The following LHX6 variants were observed in gnomAD, a reference collection of about 807,000 sequenced individuals.
LHX6 encodes the protein LIM/homeobox protein Lhx6.
A neutral mutation model predicts 47.1 loss-of-function variants in LHX6; 15 were observed. The observed-to-expected ratio is 0.32, with a 90% CI of 0.21 to 0.49. The LOEUF (loss-of-function observed/expected upper bound fraction) is 0.49. Among genes scored for constraint, LHX6 ranks in the 20% least tolerant of loss-of-function variants. The pLI, the probability that LHX6 is intolerant of heterozygous loss-of-function variation, is 0.99. For missense variants in LHX6, 404 were observed against 539.6 expected (o/e 0.75, Z 2.49); for synonymous variants, 242 against 233.5 (o/e 1.04, Z -0.33).
chr9:122,221,422 C>T lies in LHX6; in HGVS notation c.462-4134G>A, dbSNP rs761852473. ...CGCTTCCCCTGGGACCCTCGCTTTGCGGGAGGGGGTAGGCTTCTCCCGCTG... is the reference window on the plus strand; with the variant it reads ...CGCTTCCCCTGGGACCCTCGCTTTGTGGGAGGGGGTAGGCTTCTCCCGCTG... On this transcript the variant is annotated intron_variant, in intron 4 of 9. Transcript: ENST00000394319. The T allele has an allele frequency of 4.1e-6, 4 of 985,516 alleles. No individual in the cohort carries two copies. The African/African-American group carries it at 7.0e-5, about 17-fold the overall frequency. 61.0% of individuals were successfully genotyped at this position (985,516 alleles called of 1,614,324 possible).
At chr9:122,208,807 C>T (rs1358645586) in intron 9 of LHX6, among the ~76,000 whole-genome samples, 2 of 146,998 alleles carry the variant, frequency 1.4e-5, no homozygotes, top group Non-Finnish European at 3.0e-5. Flanking sequence ...TGCACTCCAG[C>T]CTGGGCGATA....
rs1001273716 is a variant in LHX6 at position 122,217,891 on chromosome 9, G to T, written c.462-603C>A. Among the ~76,000 whole-genome samples, 1 of 152,148 alleles carries T rather than the reference G, an allele frequency of 6.6e-6. No homozygotes were observed. The highest frequency in any genetic ancestry group is 2.1e-4 in the South Asian group (1 of 4,826). On this transcript the variant is annotated intron_variant, in intron 4 of 9. Transcript: ENST00000394319. The surrounding 1 kb of genome is among the most constrained non-coding windows in gnomAD (Gnocchi z 4.9). Reference sequence around the variant, plus strand: ...GCAAACTGTTTAACTCTGAGTTCTCGTTTTCCTTGTCCTGCACTGAACTAG... The same window carrying T: ...GCAAACTGTTTAACTCTGAGTTCTCTTTTTCCTTGTCCTGCACTGAACTAG...
chr9:122,228,413 C>G, intron 1 of LHX6: 4 of 1,488,284 alleles, frequency 2.7e-6, no homozygotes, highest in Non-Finnish European at 2.7e-6. Context: ...CCTCTTGATT[C>G]GCCTGTGTCT....
At chr9:122,219,324 G>A (rs1564441461) in intron 4 of LHX6, among the ~76,000 whole-genome samples, 1 of 152,200 alleles carries the variant, frequency 6.6e-6, no homozygotes, top group Non-Finnish European at 1.5e-5. Context: ...CACCTTCGTT[G>A]AATCCACCGC....
At chr9:122,219,930 G>A (rs750791953) in intron 4 of LHX6, among the ~76,000 whole-genome samples, 9 of 152,254 alleles carry the variant, frequency 5.9e-5, no homozygotes, top group Non-Finnish European at 1.3e-4. Flanking sequence ...CCAGCGCGGG[G>A]CCAAGGGCCC....
chr9:122,227,045 AG>A lies in LHX6; in HGVS notation c.157-16del, dbSNP rs1831133212. 6.8e-7 allele frequency: 1 copy of A among 1,469,552 alleles called. No homozygotes were observed. Among genetic ancestry groups the A allele is most frequent in the African/African-American group, 1.4e-5 (1 of 70,708 alleles). The allele number at this position is 1,469,552 out of a possible 1,614,324, so 91.0% of individuals were successfully genotyped here. On this transcript the variant is annotated splice_polypyrimidine_tract_variant and intron_variant, in intron 2 of 9. Coordinates refer to ENST00000394319, the MANE Select transcript of LHX6 (RefSeq NM_014368.5). ...TCAGACTGAGCCTGCGGCGGGGGAG[AG>A]AAGGAGAGGAGCGCTGATCCGGGCA...
chr9:122,227,499 G>GGGGTGGA lies in LHX6; in HGVS notation c.85-20_85-19insTCCACCC. The GGGGTGGA allele has an allele frequency of 1.5e-6, 1 of 656,318 alleles. No homozygotes were observed. Among genetic ancestry groups the GGGGTGGA allele is most frequent in the Non-Finnish European group, 2.5e-6 (1 of 401,624 alleles). The allele number at this position is 656,318 out of a possible 1,614,324, so 40.7% of individuals were successfully genotyped here. The stretch of plus-strand genomic sequence containing the variant: ...CCATCACCTGGGGGAGGGGGGGAGG[G>GGGGTGGA]AACGCAGGCGGCGGCGGCTGCTGAA... On this transcript the variant is annotated intron_variant, in intron 1 of 9. Transcript: ENST00000394319.
At chr9:122,228,596 T>A in intron 1 of LHX6, 61 bp downstream of exon 1, 1 of 1,336,716 alleles carries the variant, frequency 7.5e-7, no homozygotes, top group South Asian at 1.7e-5. Context: ...TCGGCCCGGC[T>A]GGGTCCCGGA....
At chr9:122,224,509 G>T (rs117398927) in intron 4 of LHX6, among the ~76,000 whole-genome samples, 1 of 148,380 alleles carries the variant, frequency 6.7e-6, no homozygotes, top group South Asian at 2.1e-4. Flanking sequence ...ACACACAGCC[G>T]TCCAGATTCA....
intron 4 of LHX6, among the ~76,000 whole-genome samples, chr9:122,222,338 G>A (rs1473772227): frequency 6.6e-6 from 1 of 152,208 alleles, no homozygotes; most frequent in Non-Finnish European, 1.5e-5. Context: ...TCCATTTTTG[G>A]AAGAAAACAG....
intron 8 of LHX6, among the ~76,000 whole-genome samples, chr9:122,212,301 C>T (rs879692582): frequency 2.6e-5 from 4 of 152,176 alleles, no homozygotes; most frequent in South Asian, 2.1e-4. Context: ...AGCCCACACT[C>T]GATCATTAAG....
At chr9:122,211,234 G>C (rs562890163) in intron 8 of LHX6, among the ~76,000 whole-genome samples, 24 of 152,108 alleles carry the variant, frequency 1.6e-4, no homozygotes, top group African/African-American at 5.8e-4. Context: ...TATATAAACC[G>C]GGACAATTCA....
intron 5 of LHX6, among the ~76,000 whole-genome samples, chr9:122,215,912 C>T (rs1830578337): frequency 6.6e-6 from 1 of 152,102 alleles, no homozygotes; most frequent in Non-Finnish European, 1.5e-5. Context: ...ATTAATGTCC[C>T]CTAGGAAAGC....
intron 9 of LHX6, among the ~76,000 whole-genome samples, chr9:122,207,840 G>T (rs1235824885): frequency 1.3e-5 from 2 of 152,132 alleles, no homozygotes; most frequent in Non-Finnish European, 2.9e-5. Context: ...TACACTCGCA[G>T]ATCCCTATAT....
chr9:122,206,067 C>T (rs1588331778), intron 9 of LHX6, among the ~76,000 whole-genome samples: 1 of 152,344 alleles, frequency 6.6e-6, no homozygotes, highest in Non-Finnish European at 1.5e-5. Flanking sequence ...GTCTCAGTCT[C>T]CTCCACTGAT....
chr9:122,213,958 C>G lies in LHX6; in HGVS notation c.879+16G>C, dbSNP rs1181042104. On this transcript the variant is annotated intron_variant, in intron 7 of 9. Coordinates refer to ENST00000394319, the MANE Select transcript of LHX6 (RefSeq NM_014368.5). This position sits in a 1 kb window ranked among gnomAD's most constrained non-coding sequence, Gnocchi z 5.5. ...GCGTGCCCGCGGTCCCCAGGCCCCG[C>G]CCACCCCCGTCCCACCTGGATGACT... 6 of 1,512,304 alleles carry G rather than the reference C, an allele frequency of 4.0e-6. No individual in the cohort carries two copies. The highest frequency in any genetic ancestry group is 5.5e-6 in the Non-Finnish European group (6 of 1,100,556). 93.7% of individuals were successfully genotyped at this position (1,512,304 alleles called of 1,614,324 possible).
At chr9:122,209,945 G>C (rs1196123322) in intron 8 of LHX6, among the ~76,000 whole-genome samples, 1 of 151,622 alleles carries the variant, frequency 6.6e-6, no homozygotes, top group Non-Finnish European at 1.5e-5. Context: ...GCACGATCTT[G>C]GCTCACTGCA....
chr9:122,202,607 T>G lies in LHX6; in HGVS notation c.*2153A>C, dbSNP rs1282767194. 1 of 152,624 alleles carries G rather than the reference T, an allele frequency of 6.6e-6. No homozygotes were observed. The highest frequency in any genetic ancestry group is 1.9e-4 in the East Asian group (1 of 5,188). The allele number at this position is 152,624 out of a possible 1,614,324, so 9.5% of individuals were successfully genotyped here. ...TGGATTTCAGTGCCAGCACTTCTAC[T>G]TGCATTAACTTTATTACACAAATAA... On this transcript the variant is annotated 3_prime_UTR_variant, in exon 10 of 10. Coordinates refer to ENST00000394319, the MANE Select transcript of LHX6 (RefSeq NM_014368.5).
intron 4 of LHX6, among the ~76,000 whole-genome samples, chr9:122,223,602 C>A (rs867594643): frequency 1.3e-5 from 2 of 152,218 alleles, no homozygotes; most frequent in African/African-American, 4.8e-5. Context: ...GAAGCAGCAA[C>A]TTGCGAAGGT....
Sources: allele counts gnomAD v4.1 joint callset (sites outside exome capture counted in the v4.1 genomes callset), GRCh38; gene constraint gnomAD v4.1.1; non-coding constraint Gnocchi (gnomAD v3.1); transcripts MANE v1.5; gene names NCBI Gene and HGNC (gene_info 2026-07-23, HGNC 2026-07-21).